Variants in B3GLCT observed in about 807,000 individuals in gnomAD.
B3GLCT encodes beta-1,3-glucosyltransferase.
B3GLCT carries 65 observed loss-of-function variants against 63.4 expected under a neutral mutation model. The ratio of observed to expected loss-of-function variants is 1.03; its 90% confidence interval spans 0.84 to 1.26. B3GLCT has a LOEUF of 1.26. Among genes scored for constraint, B3GLCT ranks in the 50% most tolerant of loss-of-function variants. The pLI is 0.00. For synonymous variants in B3GLCT, 233 were observed against 219.2 expected (o/e 1.06, Z -0.55); for missense variants, 577 against 604.8 (o/e 0.95, Z 0.48).
chr13:31,216,660 A>G (rs149114703), intron 2 of B3GLCT, among the ~76,000 whole-genome samples: 68 of 152,294 alleles, frequency 4.5e-4, no homozygotes, highest in African/African-American at 1.5e-3. Context: ...GTCCATGTGT[A>G]CACTGTGTTT....
chr13:31,220,996 AG>A (rs1869781805), intron 2 of B3GLCT, among the ~76,000 whole-genome samples: 2 of 152,206 alleles, frequency 1.3e-5, no homozygotes, highest in African/African-American at 4.8e-5. Context: ...TATTTTTTAA[AG>A]CATGCTTCCC....
At chr13:31,206,208 A>G (rs1868940473) in intron 1 of B3GLCT, among the ~76,000 whole-genome samples, 1 of 152,124 alleles carries the variant, frequency 6.6e-6, no homozygotes, top group Non-Finnish European at 1.5e-5. Context: ...TGCCCTTCCC[A>G]GTGTGTGTCA....
intron 12 of B3GLCT, among the ~76,000 whole-genome samples, chr13:31,304,035 A>C (rs1364338667): frequency 1.4e-5 from 1 of 74,032 alleles, no homozygotes; most frequent in Non-Finnish European, 2.5e-5. Flanking sequence ...ACATTCTTAA[A>C]GAAAAGAATT....
intron 12 of B3GLCT, 110 bp from the exon 13 acceptor site, chr13:31,317,456 T>C (rs1875101244): frequency 7.7e-7 from 1 of 1,293,054 alleles, no homozygotes; most frequent in Non-Finnish European, 1.1e-6. Flanking sequence ...CTCTTAACTA[T>C]TTCAGTTTAG....
intron 1 of B3GLCT, among the ~76,000 whole-genome samples, chr13:31,205,166 G>T (rs2137728132): frequency 6.6e-6 from 1 of 151,982 alleles, no homozygotes; most frequent in South Asian, 2.1e-4. Flanking sequence ...AGATATTTGG[G>T]TCTGTAGAGG....
At chr13:31,236,543 A>G (rs1259525196) in intron 4 of B3GLCT, among the ~76,000 whole-genome samples, 2 of 152,178 alleles carry the variant, frequency 1.3e-5, no homozygotes, top group African/African-American at 4.8e-5. Flanking sequence ...CTTCCCTTTA[A>G]TTATACGAAG....
intron 1 of B3GLCT, among the ~76,000 whole-genome samples, chr13:31,211,940 T>G (rs1007104026): frequency 2.0e-5 from 3 of 152,164 alleles, no homozygotes; most frequent in Non-Finnish European, 1.5e-5. Flanking sequence ...TATAGCTGTC[T>G]GGCCTCGCAA....
intron 12 of B3GLCT, among the ~76,000 whole-genome samples, chr13:31,308,848 C>G (rs1265586874): frequency 6.6e-6 from 1 of 152,126 alleles, no homozygotes; most frequent in African/African-American, 2.4e-5. Context: ...TTCCCTTGTG[C>G]CATGGTTCTG....
At chr13:31,314,084 A>G (rs544523637) in intron 12 of B3GLCT, among the ~76,000 whole-genome samples, 1 of 152,356 alleles carries the variant, frequency 6.6e-6, no homozygotes, top group East Asian at 1.9e-4. Flanking sequence ...ACCTCTGCCT[A>G]GATTTCAGAA....
intron 4 of B3GLCT, among the ~76,000 whole-genome samples, chr13:31,238,747 C>A (rs901690861): frequency 6.6e-6 from 1 of 152,084 alleles, no homozygotes; most frequent in Non-Finnish European, 1.5e-5. Flanking sequence ...TTTGAGACCA[C>A]CTTGGGCAAC....
chr13:31,203,793 A>G (rs566916567), intron 1 of B3GLCT, among the ~76,000 whole-genome samples: 1 of 152,230 alleles, frequency 6.6e-6, no homozygotes, highest in African/African-American at 2.4e-5. Flanking sequence ...TCAAGGGTTC[A>G]TCAGACCTAT....
chr13:31,316,424 T>TATATATATATATAC (rs1426894660), intron 12 of B3GLCT, among the ~76,000 whole-genome samples: 1 of 111,590 alleles, frequency 9.0e-6, no homozygotes, highest in Non-Finnish European at 1.8e-5. Context: ...TATATATATA[T>TATATATATATATAC]ATATATAAAT....
intron 1 of B3GLCT, among the ~76,000 whole-genome samples, chr13:31,211,137 G>A (rs1869236407): frequency 3.3e-5 from 5 of 152,210 alleles, no homozygotes; most frequent in Admixed American, 2.6e-4. Context: ...GTTCATGCCT[G>A]TAATCTCAGC....
chr13:31,325,589 T>A (rs1249454980), intron 14 of B3GLCT, among the ~76,000 whole-genome samples: 1 of 152,194 alleles, frequency 6.6e-6, no homozygotes, highest in African/African-American at 2.4e-5. Flanking sequence ...TTCCCCCACT[T>A]TAGAACCCTT....
intron 2 of B3GLCT, among the ~76,000 whole-genome samples, chr13:31,220,243 G>A (rs1869751427): frequency 6.6e-6 from 1 of 152,168 alleles, no homozygotes; most frequent in Non-Finnish European, 1.5e-5. Context: ...TTTTAATGAA[G>A]GACTTATGAA....
intron 4 of B3GLCT, among the ~76,000 whole-genome samples, chr13:31,235,346 C>T (rs1279497379): frequency 6.6e-6 from 1 of 152,062 alleles, no homozygotes; most frequent in Non-Finnish European, 1.5e-5. Flanking sequence ...TGAGAGTCAG[C>T]AGCATACATA....
chr13:31,243,644 A>T (rs892866052), intron 4 of B3GLCT, among the ~76,000 whole-genome samples: 1 of 152,234 alleles, frequency 6.6e-6, no homozygotes, highest in Non-Finnish European at 1.5e-5. Context: ...GATGATGAAT[A>T]TGTATAAGAA....
At chr13:31,293,748 A>G (rs1873797594) in intron 12 of B3GLCT, among the ~76,000 whole-genome samples, 1 of 151,816 alleles carries the variant, frequency 6.6e-6, no homozygotes, top group Non-Finnish European at 1.5e-5. Flanking sequence ...ATGGGTCTTG[A>G]CTCTTTTATC....
chr13:31,206,789 G>A (rs1289544035), intron 1 of B3GLCT, among the ~76,000 whole-genome samples: 1 of 152,042 alleles, frequency 6.6e-6, no homozygotes, highest in Non-Finnish European at 1.5e-5. Context: ...CTTAAAGTAA[G>A]GAGTTGTTCT....
Sources: allele counts gnomAD v4.1 joint callset (sites outside exome capture counted in the v4.1 genomes callset), GRCh38; gene constraint gnomAD v4.1.1; transcripts MANE v1.5; gene names NCBI Gene and HGNC (gene_info 2026-07-23, HGNC 2026-07-21).